The following CNTN4 variants were observed in gnomAD, a reference collection of about 807,000 sequenced individuals.
CNTN4 encodes the protein contactin-4.
CNTN4 carries 77 observed loss-of-function variants against 122.5 expected under a neutral mutation model. The ratio of observed to expected loss-of-function variants is 0.63; its 90% CI spans 0.52 to 0.76. CNTN4 has a LOEUF of 0.76. Ranked by LOEUF, CNTN4 falls within the 30% of genes least tolerant of loss-of-function variation. The pLI is 0.00. For missense variants in CNTN4, 1,256 were observed against 1,259.1 expected (o/e 1.00, Z 0.04); for synonymous variants, 512 against 447.0 (o/e 1.15, Z -1.83).
chr3:2,668,083 T>C (rs1241184111), intron 4 of CNTN4, among the ~76,000 whole-genome samples: 1 of 152,212 alleles, frequency 6.6e-6, no homozygotes, highest in African/African-American at 2.4e-5. Flanking sequence ...GGGCTCTTTT[T>C]TGGTTCCATA....
chr3:2,613,405 G>A (rs964725240), intron 4 of CNTN4, among the ~76,000 whole-genome samples: 7 of 152,052 alleles, frequency 4.6e-5, no homozygotes, highest in African/African-American at 1.7e-4. Context: ...CTTCTATGAT[G>A]CACATGGCCA....
rs2047557215 is a variant in CNTN4 at position 2,420,019 on chromosome 3, C to G, written c.-89+80786C>G. 2.6e-5 allele frequency among the ~76,000 whole-genome samples: 4 copies of G among 152,162 alleles called. No homozygotes were observed. In the South Asian group the frequency reaches 8.3e-4, roughly 31 times the overall value. On this transcript the variant is annotated intron_variant, in intron 3 of 24. Transcript: ENST00000418658. ...CATTGGCAACATGACATCTGGAAGA[C>G]AGTCTGGCATGTAGAGTCAGGGAAT...
At chr3:2,727,100 G>A (rs962769078) in intron 4 of CNTN4, among the ~76,000 whole-genome samples, 4 of 152,098 alleles carry the variant, frequency 2.6e-5, no homozygotes, top group African/African-American at 7.2e-5. Context: ...CGGTTATGTC[G>A]CCTCCATGTA....
At chr3:2,410,707 G>A (rs1040866041) in intron 3 of CNTN4, among the ~76,000 whole-genome samples, 1 of 152,132 alleles carries the variant, frequency 6.6e-6, no homozygotes, top group Non-Finnish European at 1.5e-5. Flanking sequence ...TATTTTCAAT[G>A]TTATTGCTTT....
intron 2 of CNTN4, among the ~76,000 whole-genome samples, chr3:2,275,929 A>C (rs79823534): frequency 5.0e-5 from 5 of 100,456 alleles, no homozygotes; most frequent in Admixed American, 1.1e-4. Flanking sequence ...CAAAAAAAAA[A>C]AAAAAAAACA....
chr3:2,474,867 T>C (rs2075793844), intron 3 of CNTN4, among the ~76,000 whole-genome samples: 1 of 152,196 alleles, frequency 6.6e-6, no homozygotes. Flanking sequence ...CATAGTATAA[T>C]TATTTTTAAT....
intron 7 of CNTN4, among the ~76,000 whole-genome samples, chr3:2,849,771 G>C (rs999464903): frequency 6.6e-6 from 1 of 152,184 alleles, no homozygotes; most frequent in African/African-American, 2.4e-5. Context: ...CCTATGGCCA[G>C]CCAGGCAGGT....
At chr3:2,326,765 G>A (rs1267768782) in intron 2 of CNTN4, among the ~76,000 whole-genome samples, 2 of 152,032 alleles carry the variant, frequency 1.3e-5, no homozygotes, top group African/African-American at 4.8e-5. Flanking sequence ...TGAGCCCCTG[G>A]GCAATGAAGG....
At chr3:2,948,626 G>T (rs2151574604) in intron 13 of CNTN4, among the ~76,000 whole-genome samples, 1 of 152,116 alleles carries the variant, frequency 6.6e-6, no homozygotes, top group East Asian at 1.9e-4. Flanking sequence ...TAATCTATTT[G>T]TTTATTTCTG....
intron 2 of CNTN4, among the ~76,000 whole-genome samples, chr3:2,336,145 G>T (rs1056040852): frequency 7.9e-5 from 12 of 152,024 alleles, no homozygotes; most frequent in African/African-American, 2.9e-4. Context: ...AGAGGTTATG[G>T]TTTTGTTAAA....
At chr3:2,930,301 T>C (rs754819267) in intron 13 of CNTN4, among the ~76,000 whole-genome samples, 7 of 152,222 alleles carry the variant, frequency 4.6e-5, no homozygotes, top group Non-Finnish European at 1.0e-4. Context: ...GGATGATGAT[T>C]ATTATTGTTA....
chr3:2,657,203 A>G (rs1209613294), intron 4 of CNTN4, among the ~76,000 whole-genome samples: 1 of 152,244 alleles, frequency 6.6e-6, no homozygotes, highest in African/African-American at 2.4e-5. Context: ...CCTACATGTC[A>G]GAAAACTAAA....
intron 6 of CNTN4, among the ~76,000 whole-genome samples, chr3:2,798,330 G>A (rs1338108841): frequency 1.7e-5 from 1 of 59,514 alleles, no homozygotes; most frequent in African/African-American, 4.7e-5. Context: ...TGTTTATATA[G>A]TCTGTATATA....
intron 3 of CNTN4, among the ~76,000 whole-genome samples, chr3:2,468,151 A>G (rs1235660080): frequency 6.6e-6 from 1 of 152,188 alleles, no homozygotes; most frequent in Non-Finnish European, 1.5e-5. Context: ...AAATTTTTGG[A>G]CATTTTTGGC....
At chr3:2,452,036 A>ACAT in intron 3 of CNTN4, among the ~76,000 whole-genome samples, 1 of 152,218 alleles carries the variant, frequency 6.6e-6, no homozygotes, top group East Asian at 1.9e-4. Flanking sequence ...AATTTAGAGT[A>ACAT]GCCTGCAAAT....
At chr3:2,540,858 G>A (rs994418511) in intron 3 of CNTN4, among the ~76,000 whole-genome samples, 2 of 152,174 alleles carry the variant, frequency 1.3e-5, no homozygotes, top group Non-Finnish European at 1.5e-5. Flanking sequence ...AAATGAAAAG[G>A]ATCAGATAGG....
At chr3:2,689,099 G>A (rs2085588222) in intron 4 of CNTN4, among the ~76,000 whole-genome samples, 1 of 152,156 alleles carries the variant, frequency 6.6e-6, no homozygotes, top group South Asian at 2.1e-4. Context: ...ATCACTTCCT[G>A]ATTTCCTTGA....
rs191260745 is a variant in CNTN4, at chr3:3,006,432, T to C, written c.1486+17960T>C. On this transcript the variant is annotated intron_variant, in intron 14 of 24. Transcript: ENST00000418658. ...GCATTGGAATCATCCTATCTCAGAG[T>C]TGATTCATAAATTGCCCCAACTAGA... is the stretch of plus-strand genomic sequence containing the variant. Among the ~76,000 whole-genome samples the C allele has an allele frequency of 4.9e-3, 740 of 152,158 alleles. 6 individuals carry two copies. Among genetic ancestry groups the C allele is most frequent in the Non-Finnish European group, 8.2e-3 (558 of 67,996 alleles).
At chr3:2,160,450 G>C (rs1348267854) in intron 2 of CNTN4, among the ~76,000 whole-genome samples, 1 of 152,112 alleles carries the variant, frequency 6.6e-6, no homozygotes, top group Non-Finnish European at 1.5e-5. Context: ...CTTCTGGCAA[G>C]TCAAATAACT....
Sources: gnomAD v4.1 joint callset for allele counts (sites outside exome capture counted in the v4.1 genomes callset) on GRCh38, gnomAD v4.1.1 for gene constraint, MANE v1.5 for transcripts, NCBI Gene and HGNC (gene_info 2026-07-23, HGNC 2026-07-21) for gene names.